STXBP5: variants seen among roughly 807,000 people sequenced by gnomAD.
The protein encoded by STXBP5 is syntaxin binding protein 5, also known as syntaxin-binding protein 5.
STXBP5 carries 50 observed loss-of-function variants against 152.4 expected under a neutral mutation model. The ratio of observed to expected loss-of-function variants is 0.33; its 90% CI spans 0.26 to 0.42. The LOEUF is 0.42. Ranked by LOEUF, STXBP5 falls within the 10% of genes least tolerant of loss-of-function variation. STXBP5 has a pLI of 1.00. For missense variants in STXBP5, 1,167 were observed against 1,388.6 expected (o/e 0.84, Z 2.54); for synonymous variants, 492 against 494.7 (o/e 0.99, Z 0.07).
chr6:147,223,303 T>C (rs1411532535), intron 2 of STXBP5, among the ~76,000 whole-genome samples: 1 of 152,210 alleles, frequency 6.6e-6, no homozygotes. Context: ...AGCACATTCA[T>C]AGCCCATAAT....
At chr6:147,270,396 C>CAAA (rs71031020) in intron 7 of STXBP5, among the ~76,000 whole-genome samples, 3 of 90,146 alleles carry the variant, frequency 3.3e-5, no homozygotes, top group South Asian at 3.8e-4. Flanking sequence ...GAGACTCTGT[C>CAAA]AAAAAAAAAA....
chr6:147,219,189 CAT>C (rs1302828625), intron 2 of STXBP5, among the ~76,000 whole-genome samples: 2 of 152,142 alleles, frequency 1.3e-5, no homozygotes, highest in East Asian at 1.9e-4. Flanking sequence ...TTGATATAAT[CAT>C]GTGATTTTTC....
chr6:147,264,078 A>G (rs577581265), intron 6 of STXBP5, among the ~76,000 whole-genome samples: 1 of 150,820 alleles, frequency 6.6e-6, no homozygotes, highest in African/African-American at 2.4e-5. Flanking sequence ...TAAATAAGTT[A>G]TATATATATA....
At chr6:147,348,508 T>A (rs1409736011) in intron 21 of STXBP5, among the ~76,000 whole-genome samples, 1 of 152,192 alleles carries the variant, frequency 6.6e-6, no homozygotes, top group African/African-American at 2.4e-5. Flanking sequence ...TCTTAAGTTT[T>A]GAGGGGATAT....
chr6:147,296,426 C>A (rs1781529722), intron 9 of STXBP5, among the ~76,000 whole-genome samples: 1 of 151,980 alleles, frequency 6.6e-6, no homozygotes, highest in Admixed American at 6.6e-5. Context: ...ATGTCTCCAC[C>A]CAGAACCAAA....
At chr6:147,275,367 G>A (rs986506488) in intron 7 of STXBP5, among the ~76,000 whole-genome samples, 5 of 151,678 alleles carry the variant, frequency 3.3e-5, no homozygotes, top group South Asian at 4.1e-4. Flanking sequence ...TATCATCTGC[G>A]TTCATTCTGT....
At chr6:147,273,359 G>C (rs983880714) in intron 7 of STXBP5, among the ~76,000 whole-genome samples, 5 of 152,030 alleles carry the variant, frequency 3.3e-5, no homozygotes, top group Non-Finnish European at 5.9e-5. Flanking sequence ...GCAAGACCCT[G>C]TTTCTAAAAA....
intron 6 of STXBP5, among the ~76,000 whole-genome samples, chr6:147,266,061 A>G (rs773151004): frequency 1.5e-4 from 23 of 152,092 alleles, no homozygotes; most frequent in Admixed American, 1.5e-3. Flanking sequence ...ATGACATTCA[A>G]ATGGAGTGGC....
chr6:147,259,617 AT>A (rs1779548386), intron 4 of STXBP5, among the ~76,000 whole-genome samples: 1 of 152,178 alleles, frequency 6.6e-6, no homozygotes. Context: ...AATATTCTGT[AT>A]GCTTTGCCGA....
chr6:147,223,576 T>C (rs1408997190), intron 2 of STXBP5, among the ~76,000 whole-genome samples: 2 of 152,206 alleles, frequency 1.3e-5, no homozygotes, highest in Non-Finnish European at 2.9e-5. Flanking sequence ...ATTATACTTA[T>C]GTCCACAAGG....
At chr6:147,288,974 G>A (rs1455326297) in intron 8 of STXBP5, among the ~76,000 whole-genome samples, 4 of 152,080 alleles carry the variant, frequency 2.6e-5, no homozygotes, top group South Asian at 2.1e-4. Context: ...TTAGGAATTC[G>A]TACACACGTC....
chr6:147,380,959 G>GT (rs939317243), intron 26 of STXBP5, among the ~76,000 whole-genome samples: 2 of 152,108 alleles, frequency 1.3e-5, no homozygotes, highest in African/African-American at 4.8e-5. Flanking sequence ...TATGGCTGGC[G>GT]AGACCTCACA....
At position 147,322,165 on chromosome 6, in the gene STXBP5, T is replaced by C. The variant is rs540333569; in HGVS notation, c.1803-2794T>C. Among the ~76,000 whole-genome samples, 956 of 152,272 alleles carry C rather than the reference T, an allele frequency of 6.3e-3. 5 individuals are homozygous for C. The highest frequency in any genetic ancestry group is 9.6e-3 in the Non-Finnish European group (655 of 68,022). On this transcript the variant is annotated intron_variant, in intron 16 of 27. Coordinates refer to ENST00000321680, the MANE Select transcript of STXBP5 (RefSeq NM_001127715.4). ...GAGGACACTTCCTTGACCCTAACCT[T>C]CTATACCTAATTCATAGAAGTAGAA...
rs1782541842 is a variant in STXBP5 at position 147,314,481 on chromosome 6, A to T, written c.1362-115A>T. On this transcript the variant is annotated intron_variant, in intron 13 of 27. Transcript: ENST00000321680. ...GTTATTCTTAAGAACCTGCCAGTTTACCCTGATTTTTTTTACCTTTTTACT... is the reference window on the plus strand; with the variant it reads ...GTTATTCTTAAGAACCTGCCAGTTTTCCCTGATTTTTTTTACCTTTTTACT... 31 of 1,333,698 alleles carry T rather than the reference A, an allele frequency of 2.3e-5. No homozygotes were observed. The South Asian group carries it at 3.6e-4, about 15-fold the overall frequency. The allele number at this position is 1,333,698 out of a possible 1,614,324, so 82.6% of individuals were successfully genotyped here.
Position 147,373,724 on chromosome 6 carries a change from T to A in STXBP5, c.3082-7T>A. On this transcript the variant is annotated splice_polypyrimidine_tract_variant and splice_region_variant and intron_variant, in intron 25 of 27. Transcript: ENST00000321680. The stretch of plus-strand genomic sequence containing the variant: ...TTCAACAGTGACAATTTGTTTTGAT[T>A]TTAAAGGAAATGTTGGGTGAACTCT... 1 of 1,608,522 alleles carries A rather than the reference T, an allele frequency of 6.2e-7. No individual in the cohort carries two copies.
At chr6:147,237,575 T>C (rs1239113872) in intron 3 of STXBP5, among the ~76,000 whole-genome samples, 2 of 152,046 alleles carry the variant, frequency 1.3e-5, no homozygotes, top group Admixed American at 1.3e-4. Flanking sequence ...ATCCTTTGAG[T>C]TTCTCTACTT....
intron 8 of STXBP5, among the ~76,000 whole-genome samples, chr6:147,281,762 A>G (rs1346665109): frequency 6.6e-6 from 1 of 152,208 alleles, no homozygotes; most frequent in African/African-American, 2.4e-5. Flanking sequence ...TTTAGTGTTA[A>G]AAATAGGTTA....
intron 4 of STXBP5, among the ~76,000 whole-genome samples, chr6:147,241,906 G>A (rs1025150781): frequency 1.4e-4 from 22 of 152,066 alleles, no homozygotes; most frequent in Non-Finnish European, 2.9e-5. Context: ...GATAACAAAT[G>A]ACTGTTACTG....
At chr6:147,219,799 G>GTTTTTTTT (rs35444906) in intron 2 of STXBP5, among the ~76,000 whole-genome samples, 4 of 86,096 alleles carry the variant, frequency 4.6e-5, no homozygotes, top group Non-Finnish European at 6.9e-5. Flanking sequence ...CTAGAAGCTT[G>GTTTTTTTT]TTTTTTTTTT....
Sources: gnomAD v4.1 joint callset for allele counts (sites outside exome capture counted in the v4.1 genomes callset) on GRCh38, gnomAD v4.1.1 for gene constraint, MANE v1.5 for transcripts, NCBI Gene and HGNC (gene_info 2026-07-23, HGNC 2026-07-21) for gene names.